DMRT1: variants seen among roughly 807,000 people sequenced by gnomAD.
DMRT1 encodes doublesex- and mab-3-related transcription factor 1.
DMRT1 carries 7 observed loss-of-function variants against 32.3 expected under a neutral mutation model. The ratio of observed to expected loss-of-function variants is 0.22; its 90% CI spans 0.12 to 0.41. DMRT1 has a LOEUF of 0.41. Ranked by LOEUF, DMRT1 falls within the 10% of genes least tolerant of loss-of-function variation. The pLI is 1.00. For missense variants in DMRT1, 625 were observed against 500.5 expected (o/e 1.25, Z -2.37); for synonymous variants, 278 against 206.1 (o/e 1.35, Z -2.99).
intron 4 of DMRT1, among the ~76,000 whole-genome samples, chr9:920,716 G>A (rs944851407): frequency 6.6e-6 from 1 of 152,188 alleles, no homozygotes; most frequent in Non-Finnish European, 1.5e-5. Context: ...CTTGTATGCT[G>A]ATGAGGGCGA....
rs562529352 is a variant in DMRT1, at chr9:909,562, C to G, written c.823-7201C>G. 1.4e-3 allele frequency among the ~76,000 whole-genome samples: 213 copies of G among 152,086 alleles called. 1 individual carries two copies. The highest frequency in any genetic ancestry group is 5.0e-3 in the African/African-American group (209 of 41,480). ...TAAAAGTCAACCCCAGCCTTCACAC[C>G]CAGCACCACCAGAAGACCCAGAATT... On this transcript the variant is annotated intron_variant, in intron 3 of 4. Coordinates refer to ENST00000382276, the MANE Select transcript of DMRT1 (RefSeq NM_021951.3).
In DMRT1 at chr9:916,240, G is replaced by A. The variant is rs551824734; in HGVS notation, c.823-523G>A. The stretch of plus-strand genomic sequence containing the variant: ...TTAATCGAGCACCAAATGAACAGAA[G>A]GAATTTCAGGGGTGCTTTAGAGGGG... On this transcript the variant is annotated intron_variant, in intron 3 of 4. Coordinates refer to ENST00000382276, the MANE Select transcript of DMRT1 (RefSeq NM_021951.3). Among the ~76,000 whole-genome samples the A allele has an allele frequency of 1.1e-4, 16 of 152,288 alleles. No individual in the cohort carries two copies. The East Asian group carries it at 2.5e-3, about 24-fold the overall frequency.
At chr9:943,793 G>A (rs924695024) in intron 4 of DMRT1, among the ~76,000 whole-genome samples, 1 of 152,182 alleles carries the variant, frequency 6.6e-6, no homozygotes, top group Non-Finnish European at 1.5e-5. Flanking sequence ...TGTAAGAAAA[G>A]CCGCAAAAGC....
intron 1 of DMRT1, among the ~76,000 whole-genome samples, chr9:844,639 C>T (rs990361454): frequency 2.6e-5 from 4 of 151,534 alleles, no homozygotes; most frequent in Admixed American, 6.6e-5. Context: ...AATTACTTCC[C>T]AATTAATCAG....
chr9:844,388 C>T (rs919338627), intron 1 of DMRT1, among the ~76,000 whole-genome samples: 4 of 142,932 alleles, frequency 2.8e-5, no homozygotes, highest in African/African-American at 1.2e-4. Flanking sequence ...ATAATATTTT[C>T]TAAGAAACCT....
chr9:952,154 C>G (rs1819448137), intron 4 of DMRT1, among the ~76,000 whole-genome samples: 1 of 152,152 alleles, frequency 6.6e-6, no homozygotes, highest in African/African-American at 2.4e-5. Context: ...CTTCTGAGAA[C>G]AGAGCCTTGT....
At chr9:931,522 C>T (rs1373100928) in intron 4 of DMRT1, among the ~76,000 whole-genome samples, 2 of 152,132 alleles carry the variant, frequency 1.3e-5, no homozygotes, top group African/African-American at 4.8e-5. Context: ...CTAGGTGGCC[C>T]AACAACAGAA....
chr9:861,367 A>G (rs1815659150), intron 2 of DMRT1, among the ~76,000 whole-genome samples: 1 of 152,138 alleles, frequency 6.6e-6, no homozygotes, highest in African/African-American at 2.4e-5. Flanking sequence ...CATGTTTCAG[A>G]GAGCACGGGG....
chr9:964,028 T>C (rs549415000), intron 4 of DMRT1, among the ~76,000 whole-genome samples: 14 of 152,332 alleles, frequency 9.2e-5, no homozygotes, highest in Middle Eastern at 6.8e-3. Context: ...AGTTTAATAG[T>C]GTTTAACATA....
At chr9:924,621 A>G (rs1818463616) in intron 4 of DMRT1, among the ~76,000 whole-genome samples, 1 of 152,218 alleles carries the variant, frequency 6.6e-6, no homozygotes, top group Non-Finnish European at 1.5e-5. Flanking sequence ...TATGTGTATC[A>G]TGATTCTTGA....
At chr9:917,285 T>C (rs1015898710) in intron 4 of DMRT1, among the ~76,000 whole-genome samples, 23 of 152,208 alleles carry the variant, frequency 1.5e-4, no homozygotes, top group African/African-American at 5.3e-4. Context: ...CCAAAGACTT[T>C]CATTTTAAAA....
intron 3 of DMRT1, among the ~76,000 whole-genome samples, chr9:916,430 A>G (rs1380493199): frequency 1.3e-5 from 2 of 151,946 alleles, no homozygotes; most frequent in Admixed American, 1.3e-4. Flanking sequence ...GCAGTAGTGC[A>G]AGCAGCCACG....
chr9:894,630 G>A (rs1564230997), intron 3 of DMRT1: 1 of 288,702 alleles, frequency 3.5e-6, no homozygotes, highest in Non-Finnish European at 6.7e-6. Flanking sequence ...AGCCTTCTGG[G>A]TGGCAGTAAT....
At chr9:864,190 A>C (rs943812149) in intron 2 of DMRT1, among the ~76,000 whole-genome samples, 3 of 146,646 alleles carry the variant, frequency 2.0e-5, no homozygotes, top group African/African-American at 5.1e-5. Context: ...TATTCTTTTA[A>C]CTTCTTCTTC....
chr9:877,017 A>T (rs1998436), intron 2 of DMRT1, among the ~76,000 whole-genome samples: 1 of 129,330 alleles, frequency 7.7e-6, no homozygotes, highest in African/African-American at 2.9e-5. Context: ...TTCCAGTTAC[A>T]TGTGTGTCCT....
chr9:927,631 T>A (rs1250712297), intron 4 of DMRT1, among the ~76,000 whole-genome samples: 1 of 152,204 alleles, frequency 6.6e-6, no homozygotes, highest in African/African-American at 2.4e-5. Flanking sequence ...TATAGGCATA[T>A]ACTTCCCATC....
At chr9:936,004 T>C (rs1449961443) in intron 4 of DMRT1, among the ~76,000 whole-genome samples, 1 of 152,240 alleles carries the variant, frequency 6.6e-6, no homozygotes, top group Admixed American at 6.5e-5. Context: ...GACACTTTAT[T>C]GTAATTCTGC....
At chr9:937,885 C>G (rs1019287546) in intron 4 of DMRT1, among the ~76,000 whole-genome samples, 1 of 150,960 alleles carries the variant, frequency 6.6e-6, no homozygotes, top group East Asian at 1.9e-4. Flanking sequence ...TCTTTTGTTG[C>G]CTGTGCTTTT....
intron 4 of DMRT1, among the ~76,000 whole-genome samples, chr9:937,578 T>G (rs1046423033): frequency 1.3e-5 from 2 of 152,338 alleles, no homozygotes; most frequent in Non-Finnish European, 2.9e-5. Flanking sequence ...GAGTTTGATT[T>G]GCGTTTCACT....
Sources: gnomAD v4.1 joint callset for allele counts (sites outside exome capture counted in the v4.1 genomes callset) on GRCh38, gnomAD v4.1.1 for gene constraint, MANE v1.5 for transcripts, NCBI Gene and HGNC (gene_info 2026-07-23, HGNC 2026-07-21) for gene names.